Variants in MAGI1 observed in about 807,000 individuals in gnomAD.
MAGI1 encodes membrane-associated guanylate kinase, WW and PDZ domain-containing protein 1.
In MAGI1, 58 loss-of-function variants were observed where a neutral mutation model predicts 139.9. That is an observed-to-expected ratio of 0.41 (90% CI 0.34 to 0.52). The LOEUF (loss-of-function observed/expected upper bound fraction) is 0.52, where lower values mean the gene tolerates loss of function less well. Among genes scored for constraint, MAGI1 ranks in the 20% least tolerant of loss-of-function variants. MAGI1 has a pLI of 0.12. For missense variants in MAGI1, 1,874 were observed against 1,901.6 expected (o/e 0.99, Z 0.27); for synonymous variants, 812 against 737.9 (o/e 1.10, Z -1.63).
chr3:65,853,544 A>C (rs542835684), intron 1 of MAGI1, among the ~76,000 whole-genome samples: 1 of 152,260 alleles, frequency 6.6e-6, no homozygotes. Flanking sequence ...ATGTATCAAA[A>C]CGTATTCATT....
intron 12 of MAGI1, among the ~76,000 whole-genome samples, chr3:65,411,129 C>G (rs1372377318): frequency 1.3e-5 from 2 of 152,148 alleles, no homozygotes; most frequent in Non-Finnish European, 2.9e-5. Flanking sequence ...CCAAGATCTA[C>G]TTTTTAAGGG....
chr3:65,623,225 T>G (rs2083778855), intron 1 of MAGI1, among the ~76,000 whole-genome samples: 1 of 152,060 alleles, frequency 6.6e-6, no homozygotes, highest in East Asian at 1.9e-4. Flanking sequence ...GTGTTGCTTT[T>G]CAAACACTAA....
At chr3:65,841,209 T>C (rs1250228481) in intron 1 of MAGI1, among the ~76,000 whole-genome samples, 5 of 152,100 alleles carry the variant, frequency 3.3e-5, no homozygotes, top group Non-Finnish European at 5.9e-5. Context: ...GTCTATTTTA[T>C]TGAACTTTTC....
chr3:65,808,912 C>A (rs7632715), intron 1 of MAGI1, among the ~76,000 whole-genome samples: 5,627 of 152,170 alleles, frequency 0.037, 343 homozygotes, highest in African/African-American at 0.13. Flanking sequence ...ATGTGAGGTA[C>A]AGCAATGATG....
chr3:65,408,385 G>A (rs1410257155), intron 12 of MAGI1, among the ~76,000 whole-genome samples: 1 of 152,190 alleles, frequency 6.6e-6, no homozygotes, highest in Non-Finnish European at 1.5e-5. Context: ...GTAATTTTCA[G>A]CAAAAGTGCT....
At chr3:66,006,730 G>A (rs1052453799) in intron 1 of MAGI1, among the ~76,000 whole-genome samples, 4 of 152,148 alleles carry the variant, frequency 2.6e-5, no homozygotes, top group Non-Finnish European at 4.4e-5. Context: ...AAATAAAACA[G>A]GGGAATGGGA....
At chr3:66,030,239 T>C (rs1576521910) in intron 1 of MAGI1, among the ~76,000 whole-genome samples, 1 of 152,364 alleles carries the variant, frequency 6.6e-6, no homozygotes, top group East Asian at 1.9e-4. Context: ...CTGTAAATGT[T>C]AAACTCTAAC....
At chr3:65,900,808 C>T (rs967550728) in intron 1 of MAGI1, among the ~76,000 whole-genome samples, 3 of 152,206 alleles carry the variant, frequency 2.0e-5, no homozygotes, top group South Asian at 4.1e-4. Context: ...CTATTATGAA[C>T]CATTGAGAAT....
intron 17 of MAGI1, 163 bp downstream of exon 17, chr3:65,379,098 A>C (rs1460093140): frequency 2.1e-6 from 3 of 1,447,220 alleles, no homozygotes; most frequent in African/African-American, 2.8e-5. Context: ...AAAGGGAAAA[A>C]GCTACCAAAT....
chr3:65,398,055 T>C (rs1173502840), intron 13 of MAGI1, among the ~76,000 whole-genome samples: 1 of 152,214 alleles, frequency 6.6e-6, no homozygotes, highest in African/African-American at 2.4e-5. Flanking sequence ...ACGGTTTGTT[T>C]GCAAACTGCA....
intron 1 of MAGI1, among the ~76,000 whole-genome samples, chr3:65,721,392 G>C (rs1323315459): frequency 6.6e-6 from 1 of 152,162 alleles, no homozygotes; most frequent in Non-Finnish European, 1.5e-5. Flanking sequence ...AGTAAAAGGG[G>C]TGCTACTGAT....
At chr3:65,571,716 C>T (rs986217875) in intron 2 of MAGI1, among the ~76,000 whole-genome samples, 18 of 151,864 alleles carry the variant, frequency 1.2e-4, no homozygotes, top group Admixed American at 1.1e-3. Context: ...CGTAACAGGA[C>T]AACTACACCC....
rs2069062606 is a variant in MAGI1, at chr3:66,038,498, T to C, written c.-190A>G. 1.3e-6 allele frequency: 1 copy of C among 794,672 alleles called. No individual in the cohort carries two copies. Among genetic ancestry groups the C allele is most frequent in the Non-Finnish European group, 1.8e-6 (1 of 554,894 alleles). The allele number at this position is 794,672 out of a possible 1,614,324, so 49.2% of individuals were successfully genotyped here. ...TCAAGCCATCATAAAACAAACTTTCTGGGCTTCCCCGCGAGCCCCGCACAG... is the reference window on the plus strand; with the variant it reads ...TCAAGCCATCATAAAACAAACTTTCCGGGCTTCCCCGCGAGCCCCGCACAG... On this transcript the variant is annotated 5_prime_UTR_variant, in exon 1 of 23. Transcript: ENST00000402939.
chr3:65,777,655 AAAAG>A (rs1553705567), intron 1 of MAGI1, among the ~76,000 whole-genome samples: 1 of 145,366 alleles, frequency 6.9e-6, no homozygotes, highest in Admixed American at 6.9e-5. Flanking sequence ...AAAAAAAAAA[AAAAG>A]AAAGAAAGAA....
intron 2 of MAGI1, 52 bp downstream of exon 2, chr3:65,621,920 C>CAT: frequency 7.6e-7 from 1 of 1,308,320 alleles, no homozygotes; most frequent in East Asian, 2.4e-5. Context: ...GGACTTTTCA[C>CAT]ACACACACAC....
At chr3:65,626,624 T>TG (rs2083985913) in intron 1 of MAGI1, among the ~76,000 whole-genome samples, 1 of 152,288 alleles carries the variant, frequency 6.6e-6, no homozygotes, top group East Asian at 1.9e-4. Flanking sequence ...ATGCCCCACC[T>TG]GGAAGGCATT....
intron 1 of MAGI1, among the ~76,000 whole-genome samples, chr3:66,032,971 G>A (rs2068718613): frequency 6.6e-6 from 1 of 150,864 alleles, no homozygotes; most frequent in South Asian, 2.1e-4. Context: ...ACGAGATTGT[G>A]TCAAGGCTAT....
rs150481668 is a variant in MAGI1, at chr3:65,403,260, T to C, written c.2168-1790A>G. On this transcript the variant is annotated intron_variant, in intron 12 of 22. Transcript: ENST00000402939. ...TCTACACCTTTTCACCCTCCTTAGCTAATTTACATCATTCAGAAAGGAAGT... is the reference window on the plus strand; with the variant it reads ...TCTACACCTTTTCACCCTCCTTAGCCAATTTACATCATTCAGAAAGGAAGT... Among the ~76,000 whole-genome samples, 198 of 152,280 alleles carry C rather than the reference T, an allele frequency of 1.3e-3. 5 individuals are homozygous for C. In the East Asian group the frequency reaches 0.035, roughly 27 times the overall value.
At position 65,769,900 on chromosome 3, in the gene MAGI1, A is replaced by G. The variant is rs531175071; in HGVS notation, c.314-147812T>C. ...CCCCAGTAAAGTAGCTTGAATAACC[A>G]TCAGTGAGATAGCCTCTCCTGTCAA... On this transcript the variant is annotated intron_variant, in intron 1 of 22. Coordinates refer to ENST00000402939, the MANE Select transcript of MAGI1 (RefSeq NM_001033057.2). 7.9e-5 allele frequency among the ~76,000 whole-genome samples: 12 copies of G among 152,312 alleles called. No homozygotes were observed. The South Asian group carries it at 2.5e-3, about 32-fold the overall frequency.
Sources: allele counts gnomAD v4.1 joint callset (sites outside exome capture counted in the v4.1 genomes callset), GRCh38; gene constraint gnomAD v4.1.1; transcripts MANE v1.5; gene names NCBI Gene and HGNC (gene_info 2026-07-23, HGNC 2026-07-21).